The following SHC1 variants were observed in gnomAD, a reference collection of about 807,000 sequenced individuals.
SHC1 encodes the protein SHC adaptor protein 1.
In SHC1, 30 loss-of-function variants were observed where a neutral mutation model predicts 55.9. The ratio of observed to expected loss-of-function variants is 0.54; its 90% confidence interval spans 0.40 to 0.73. The LOEUF is 0.73. Among genes scored for constraint, SHC1 ranks in the 30% least tolerant of loss-of-function variants. SHC1 has a pLI of 0.00. For missense variants in SHC1, 675 were observed against 777.1 expected (o/e 0.87, Z 1.56); for synonymous variants, 309 against 306.1 (o/e 1.01, Z -0.10).
chr1:154,969,846 G>A (rs1656511892), intron 1 of SHC1, among the ~76,000 whole-genome samples, 186 bp downstream of exon 1: 1 of 151,390 alleles, frequency 6.6e-6, no homozygotes, highest in African/African-American at 2.4e-5. Flanking sequence ...GAAGGAAGGG[G>A]GCCCAGGCAA....
rs764028451 is a variant in SHC1 at position 154,966,022 on chromosome 1, G to A, written c.1311C>T (p.Ala437=). 11 of 1,614,038 alleles carry A rather than the reference G, an allele frequency of 6.8e-6. No homozygotes were observed. Among genetic ancestry groups the A allele is most frequent in the Non-Finnish European group, 9.3e-6 (11 of 1,179,994 alleles). The change falls in exon 10 of 12, where the codon GCC becomes GCT. Residue 437 remains alanine, a synonymous_variant. Coordinates refer to ENST00000448116, the MANE Select transcript of SHC1 (RefSeq NM_001130040.2). ...SYVNVQNLDK[A]RQAVGGAGPP... ...GCCCAGCACCACCCACTGCTTGCCGGGCCTTGTCTAGGTTCTGGACGTTGA... is the reference window on the plus strand; with the variant it reads ...GCCCAGCACCACCCACTGCTTGCCGAGCCTTGTCTAGGTTCTGGACGTTGA...
chr1:154,963,710 G>C lies in SHC1; in HGVS notation c.*93C>G. The C allele has an allele frequency of 8.6e-6, 12 of 1,402,390 alleles. No homozygotes were observed. The highest frequency in any genetic ancestry group is 1.2e-5 in the Non-Finnish European group (12 of 1,011,372). 86.9% of individuals were successfully genotyped at this position (1,402,390 alleles called of 1,614,324 possible). On this transcript the variant is annotated 3_prime_UTR_variant, in exon 12 of 12. Coordinates refer to ENST00000448116, the MANE Select transcript of SHC1 (RefSeq NM_001130040.2). ...ACTCCCAGCTCTGACACAAGGCCAA[G>C]CCCACAGAACACTCCCAAACGAGGT... is the stretch of plus-strand genomic sequence containing the variant.
At chr1:154,968,078 C>G in intron 5 of SHC1, 47 bp from the exon 6 acceptor site, 1 of 1,604,978 alleles carries the variant, frequency 6.2e-7, no homozygotes, top group South Asian at 1.1e-5. Flanking sequence ...TTACTCCTGA[C>G]CCCTAAAACC....
chr1:154,969,925 C>T (rs1656527523), intron 1 of SHC1, 107 bp downstream of exon 1: 2 of 1,230,152 alleles, frequency 1.6e-6, no homozygotes, highest in Admixed American at 1.9e-5. Flanking sequence ...GACACTGAAA[C>T]GGGGTTGTTG....
At position 154,970,747 on chromosome 1, in the gene SHC1, T is replaced by A; in HGVS notation, c.-221A>T. The A allele has an allele frequency of 2.1e-6, 1 of 473,840 alleles. No individual in the cohort carries two copies. Among genetic ancestry groups the A allele is most frequent in the South Asian group, 3.1e-5 (1 of 31,820 alleles). The allele number at this position is 473,840 out of a possible 1,614,324, so 29.4% of individuals were successfully genotyped here. The stretch of plus-strand genomic sequence containing the variant: ...CCCGCCCAACGTGGAGCCTCTTCTC[T>A]GGCTGAGAAGAGAACAGGCTGGACC... On this transcript the variant is annotated 5_prime_UTR_variant, in exon 1 of 12. Coordinates refer to ENST00000448116, the MANE Select transcript of SHC1 (RefSeq NM_001130040.2). This position sits in a 1 kb window ranked among gnomAD's most constrained non-coding sequence, Gnocchi z 5.5.
upstream of SHC1, among the ~76,000 whole-genome samples, chr1:154,971,783 A>T (rs1441306602): frequency 6.6e-6 from 1 of 152,196 alleles, no homozygotes; most frequent in African/African-American, 2.4e-5. Flanking sequence ...TGCGTCAATA[A>T]GGACAGGAGA....
rs1279788760 is a variant in SHC1 at position 154,970,380 on chromosome 1, C to A, written c.147G>T (p.Leu49=). The part of the protein sequence containing the change: ...ASSLGPILPP[L]PGDDSPTTLC... ...GGGTAGTGGGACTATCGTCCCCAGG[C>A]AGAGGAGGCAGGATGGGCCCCAGGG... The change falls in exon 1 of 12, where the codon CTG becomes CTT. Residue 49 remains leucine, a synonymous_variant. Coordinates refer to ENST00000448116, the MANE Select transcript of SHC1 (RefSeq NM_001130040.2). This position sits in a 1 kb window ranked among gnomAD's most constrained non-coding sequence, Gnocchi z 5.5. The A allele has an allele frequency of 2.5e-6, 4 of 1,602,870 alleles. No individual in the cohort carries two copies. Among genetic ancestry groups the A allele is most frequent in the African/African-American group, 2.7e-5 (2 of 74,818 alleles).
At chr1:154,968,884 C>CT in intron 2 of SHC1, 50 bp from the exon 3 acceptor site, 1 of 1,544,878 alleles carries the variant, frequency 6.5e-7, no homozygotes, top group Non-Finnish European at 9.0e-7. Flanking sequence ...CTGCCTCCCA[C>CT]TCAACTGGGG....
intron 11 of SHC1, chr1:154,964,159 G>A (rs1390259036): frequency 3.0e-6 from 2 of 674,148 alleles, no homozygotes; most frequent in Non-Finnish European, 5.6e-6. Context: ...CATCAGCCCT[G>A]AAAGAGTGAA....
Position 154,968,844 on chromosome 1 carries a change from G to A in SHC1, c.567-10C>T. ...CAGACTGATGGCCTCCCTGGGGAAA[G>A]AGGGGTACTCAGACCCAGCGCCTGC... On this transcript the variant is annotated splice_polypyrimidine_tract_variant and intron_variant, in intron 2 of 11. Coordinates refer to ENST00000448116, the MANE Select transcript of SHC1 (RefSeq NM_001130040.2). The A allele has an allele frequency of 6.2e-7, 1 of 1,613,640 alleles. No individual in the cohort carries two copies. The highest frequency in any genetic ancestry group is 1.1e-5 in the South Asian group (1 of 91,070).
intron 6 of SHC1, 60 bp downstream of exon 6, chr1:154,967,920 A>T: frequency 6.2e-7 from 1 of 1,607,700 alleles, no homozygotes; most frequent in South Asian, 1.1e-5. Context: ...CAGATGACCA[A>T]AGGTCCTACT....
Position 154,966,382 on chromosome 1 carries a change from A to C in SHC1, c.1119T>G (p.Ala373=). 6.2e-7 allele frequency: 1 copy of C among 1,614,094 alleles called. No homozygotes were observed. Among genetic ancestry groups the C allele is most frequent in the Admixed American group, 1.7e-5 (1 of 60,026 alleles). The change falls in exon 8 of 12, where the codon GCT becomes GCG. Residue 373 remains alanine (A), a synonymous_variant. Transcript: ENST00000448116. ...VVDMRLREGA[A]PGAARPTAPN... ...GTGCAGTGGGTCGAGCAGCCCCTGG[A>C]GCGGCTCCTTCCCGAAGCCTCATGT...
rs1381624207 is a variant in SHC1, at chr1:154,970,185, C to T, written c.342G>A (p.Leu114=). The change falls in exon 1 of 12, where the codon CTG becomes CTA. Residue 114 remains leucine (L), a synonymous_variant. Coordinates refer to ENST00000448116, the MANE Select transcript of SHC1 (RefSeq NM_001130040.2). The surrounding 1 kb of genome is among the most constrained non-coding windows in gnomAD (Gnocchi z 5.5). ...PLPLLQDMNK[L]SGGGGRRTRV... ...GAGTCCTGCGCCCGCCGCCTCCACT[C>T]AGCTTGTTCATGTCCTGGAGGAGGG... 9 of 1,613,826 alleles carry T rather than the reference C, an allele frequency of 5.6e-6. No homozygotes were observed. Among genetic ancestry groups the T allele is most frequent in the Non-Finnish European group, 5.1e-6 (6 of 1,179,986 alleles).
At position 154,968,864 on chromosome 1, in the gene SHC1, G is replaced by A. The variant is rs762191199; in HGVS notation, c.567-30C>T. ...GGAAAGAGGGGTACTCAGACCCAGC[G>A]CCTGCCTGCCTGCCTCCCACTCAAC... On this transcript the variant is annotated intron_variant, in intron 2 of 11. Transcript: ENST00000448116. 1.4e-5 allele frequency: 22 copies of A among 1,588,650 alleles called. No homozygotes were observed. The East Asian group carries it at 2.2e-4, about 16-fold the overall frequency.
In SHC1 at chr1:154,970,745, T is replaced by C. The variant is rs1337816990; in HGVS notation, c.-219A>G. ...TCCCCGCCCAACGTGGAGCCTCTTCTCTGGCTGAGAAGAGAACAGGCTGGA... is the reference window on the plus strand; with the variant it reads ...TCCCCGCCCAACGTGGAGCCTCTTCCCTGGCTGAGAAGAGAACAGGCTGGA... On this transcript the variant is annotated 5_prime_UTR_variant, in exon 1 of 12. Transcript: ENST00000448116. This position sits in a 1 kb window ranked among gnomAD's most constrained non-coding sequence, Gnocchi z 5.5. The C allele has an allele frequency of 1.0e-5, 5 of 478,422 alleles. No individual in the cohort carries two copies. The Admixed American group carries it at 1.9e-4, about 19-fold the overall frequency. 29.6% of individuals were successfully genotyped at this position (478,422 alleles called of 1,614,324 possible). A position where few individuals can be genotyped will look rare whatever the true frequency, so the allele number is the denominator to read the frequency against.
At chr1:154,971,442 G>A (rs1656737696), upstream of SHC1, among the ~76,000 whole-genome samples, 1 of 152,226 alleles carries the variant, frequency 6.6e-6, no homozygotes, top group South Asian at 2.1e-4. Flanking sequence ...GGGAACAAGA[G>A]GACATGCTGG....
chr1:154,964,916 C>T (rs1655746820), intron 11 of SHC1, among the ~76,000 whole-genome samples: 1 of 152,220 alleles, frequency 6.6e-6, no homozygotes. Context: ...TGACATTGGG[C>T]ATCACAACCT....
rs774381723 is a variant in SHC1, at chr1:154,963,756, G to A, written c.*47C>T. ...GAGGTCCCGAGAGTTAGGGAATAGGGTGGAAAGGATTGGAGGGCATCTTCT... is the reference window on the plus strand; with the variant it reads ...GAGGTCCCGAGAGTTAGGGAATAGGATGGAAAGGATTGGAGGGCATCTTCT... On this transcript the variant is annotated 3_prime_UTR_variant, in exon 12 of 12. Transcript: ENST00000448116. The A allele has an allele frequency of 2.4e-5, 39 of 1,605,692 alleles. No homozygotes were observed. Among genetic ancestry groups the A allele is most frequent in the Non-Finnish European group, 3.3e-5 (39 of 1,174,578 alleles).
Position 154,968,211 on chromosome 1 carries a change from C to G in SHC1, c.797G>C (p.Gly266Ala). Residue 266 changes from glycine (G) to alanine (A), a missense_variant, in exon 5 of 12, where the codon GGG (glycine) becomes GCG (alanine). By Grantham distance (60) the Gly-to-Ala change is moderately conservative (BLOSUM62 0). Transcript: ENST00000448116. ...HMQSISFASG[G>A]DPDTAEYVAY... Reference sequence around the variant, plus strand: ...CTCTGTTCCCCAACTCACCGGATCCCCGCCGGATGCAAATGAGATAGATTG... The same window carrying G: ...CTCTGTTCCCCAACTCACCGGATCCGCGCCGGATGCAAATGAGATAGATTG... 6.2e-7 allele frequency: 1 copy of G among 1,614,118 alleles called. No homozygotes were observed. Among genetic ancestry groups the G allele is most frequent in the Non-Finnish European group, 8.5e-7 (1 of 1,180,006 alleles).
Sources: allele counts gnomAD v4.1 joint callset (sites outside exome capture counted in the v4.1 genomes callset), GRCh38; gene constraint gnomAD v4.1.1; non-coding constraint Gnocchi (gnomAD v3.1); transcripts MANE v1.5; gene names NCBI Gene and HGNC (gene_info 2026-07-23, HGNC 2026-07-21).